The following TRPM3 variants were observed in gnomAD, a reference collection of about 807,000 sequenced individuals.
TRPM3 encodes transient receptor potential cation channel subfamily M member 3, also known as long transient receptor potential channel 3.
TRPM3 carries 77 observed loss-of-function variants against 181.2 expected under a neutral mutation model. That is an observed-to-expected ratio of 0.42 (90% confidence interval 0.35 to 0.51). The LOEUF is 0.51. Among genes scored for constraint, TRPM3 ranks in the 20% least tolerant of loss-of-function variants. TRPM3 has a pLI of 0.01. For synonymous variants in TRPM3, 745 were observed against 796.4 expected (o/e 0.94, Z 1.09); for missense variants, 1,759 against 2,196.7 (o/e 0.80, Z 3.98).
intron 5 of TRPM3, among the ~76,000 whole-genome samples, chr9:70,841,710 A>T (rs574632317): frequency 6.9e-6 from 1 of 143,946 alleles, no homozygotes; most frequent in African/African-American, 2.6e-5. Context: ...ATACATATAT[A>T]TCTCCCACCA....
At chr9:71,078,949 C>G (rs1037924022) in intron 1 of TRPM3, among the ~76,000 whole-genome samples, 2 of 152,182 alleles carry the variant, frequency 1.3e-5, no homozygotes, top group African/African-American at 4.8e-5. Context: ...CCTGCTTTCC[C>G]CACTGATCCT....
intron 6 of TRPM3, among the ~76,000 whole-genome samples, chr9:70,815,426 G>C (rs764584476): frequency 4.6e-5 from 7 of 152,154 alleles, no homozygotes; most frequent in Non-Finnish European, 1.0e-4. Context: ...AATAGGGGCA[G>C]CCAAATTGTC....
chr9:71,235,877 G>T (rs1267860844), intron 1 of TRPM3, among the ~76,000 whole-genome samples: 2 of 152,194 alleles, frequency 1.3e-5, no homozygotes, highest in Admixed American at 6.5e-5. Context: ...AGCTATCCAT[G>T]ATGGTAGAAA....
intron 1 of TRPM3, among the ~76,000 whole-genome samples, chr9:71,190,483 G>A (rs1260916016): frequency 1.3e-5 from 2 of 151,720 alleles, no homozygotes; most frequent in African/African-American, 4.8e-5. Flanking sequence ...TCCCACATCC[G>A]ATAATCTTAT....
intron 19 of TRPM3, among the ~76,000 whole-genome samples, chr9:70,604,978 A>T (rs1301236679): frequency 2.9e-4 from 1 of 3,410 alleles, no homozygotes; most frequent in Non-Finnish European, 6.7e-4. Flanking sequence ...TTTTTTGGAG[A>T]CTGAGTCTCA....
intron 1 of TRPM3, among the ~76,000 whole-genome samples, chr9:70,947,428 T>G (rs763681309): frequency 6.6e-6 from 1 of 152,220 alleles, no homozygotes; most frequent in Non-Finnish European, 1.5e-5. Flanking sequence ...CAGAGAAATA[T>G]AAGTACTAAT....
intron 1 of TRPM3, among the ~76,000 whole-genome samples, chr9:70,942,700 C>T (rs1418303698): frequency 1.3e-5 from 2 of 152,166 alleles, no homozygotes; most frequent in South Asian, 2.1e-4. Flanking sequence ...GGATTGAATC[C>T]TGGCTCCACC....
chr9:71,050,860 T>G (rs563422580), intron 1 of TRPM3, among the ~76,000 whole-genome samples: 5 of 152,238 alleles, frequency 3.3e-5, no homozygotes, highest in African/African-American at 1.2e-4. Flanking sequence ...GGGCTCCCCT[T>G]AGTCCAGATG....
chr9:71,323,520 C>A (rs1341073891), intron 1 of TRPM3, among the ~76,000 whole-genome samples: 1 of 152,058 alleles, frequency 6.6e-6, no homozygotes, highest in Non-Finnish European at 1.5e-5. Context: ...GCTTTGTTGT[C>A]TGCAAGCTTT....
intron 1 of TRPM3, among the ~76,000 whole-genome samples, chr9:70,927,156 CT>C (rs1423612168): frequency 3.9e-5 from 6 of 152,196 alleles, no homozygotes. Flanking sequence ...TCCTTTGAAT[CT>C]GAGTTTATTG....
At chr9:71,365,031 C>T (rs2092290149) in intron 1 of TRPM3, among the ~76,000 whole-genome samples, 1 of 152,082 alleles carries the variant, frequency 6.6e-6, no homozygotes, top group Non-Finnish European at 1.5e-5. Context: ...GTTAGTCACA[C>T]CAGGTCAGGA....
chr9:71,121,151 G>C, intron 1 of TRPM3, 27 bp downstream of exon 1: 2 of 1,601,686 alleles, frequency 1.2e-6, no homozygotes, highest in South Asian at 1.1e-5. Context: ...CACAATTAGC[G>C]CCATTCAAAG....
intron 1 of TRPM3, among the ~76,000 whole-genome samples, chr9:70,938,143 C>T (rs998919327): frequency 1.3e-5 from 2 of 152,162 alleles, no homozygotes; most frequent in African/African-American, 4.8e-5. Context: ...TTGTCTGGGG[C>T]AGAGGGAGCT....
chr9:71,018,639 C>A (rs948838403), intron 1 of TRPM3, among the ~76,000 whole-genome samples: 1 of 151,700 alleles, frequency 6.6e-6, no homozygotes, highest in African/African-American at 2.4e-5. Flanking sequence ...AAATCCTATA[C>A]CTTTTTAAGA....
chr9:71,190,247 G>C (rs559560347), intron 1 of TRPM3, among the ~76,000 whole-genome samples: 99 of 151,912 alleles, frequency 6.5e-4, no homozygotes, highest in Admixed American at 6.5e-3. Context: ...GTTGAGATCC[G>C]CAAGTATCTA....
intron 20 of TRPM3, among the ~76,000 whole-genome samples, chr9:70,603,077 AAAC>A (rs1383020169): frequency 6.6e-6 from 1 of 152,186 alleles, no homozygotes; most frequent in Non-Finnish European, 1.5e-5. Flanking sequence ...GAGGCATCAA[AAAC>A]AACTAGAGGC....
At chr9:71,297,923 G>T (rs144239590) in intron 1 of TRPM3, among the ~76,000 whole-genome samples, 1 of 152,068 alleles carries the variant, frequency 6.6e-6, no homozygotes, top group Non-Finnish European at 1.5e-5. Flanking sequence ...AAAGGTGAAC[G>T]GCTCATAGCT....
At chr9:71,100,432 T>C (rs2068142917) in intron 1 of TRPM3, among the ~76,000 whole-genome samples, 1 of 152,142 alleles carries the variant, frequency 6.6e-6, no homozygotes, top group Admixed American at 6.6e-5. Context: ...GAAACTCTAA[T>C]TTTAAATCCC....
At chr9:70,760,600 A>G (rs2077950401) in intron 8 of TRPM3, 1 of 151,670 alleles carries the variant, frequency 6.6e-6, no homozygotes. Flanking sequence ...GAAGCTGCTG[A>G]AAGGTTTCTC....
Sources: allele counts gnomAD v4.1 joint callset (sites outside exome capture counted in the v4.1 genomes callset), GRCh38; gene constraint gnomAD v4.1.1; transcripts MANE v1.5; gene names NCBI Gene and HGNC (gene_info 2026-07-23, HGNC 2026-07-21).